OPA3: variants seen among roughly 807,000 people sequenced by gnomAD.
OPA3 encodes the protein outer mitochondrial membrane lipid metabolism regulator OPA3.
In OPA3, 6 loss-of-function variants were observed where a neutral mutation model predicts 4.0. The observed-to-expected ratio is 1.51, with a 90% confidence interval of 0.83 to 2.99. The LOEUF (loss-of-function observed/expected upper bound fraction) is 2.99. Among genes scored for constraint, OPA3 ranks in the 30% most tolerant of loss-of-function variants. The pLI is 0.00. For synonymous variants in OPA3, 105 were observed against 117.1 expected, an observed-to-expected ratio of 0.90 and a Z score of 0.67; for missense variants, 235 against 256.2, an observed-to-expected ratio of 0.92 and a Z score of 0.56.
chr19:45,572,781 C>CTATATATAGATATATATATCATACTA (rs1969704731), intron 1 of OPA3, among the ~76,000 whole-genome samples: 1 of 89,970 alleles, frequency 1.1e-5, no homozygotes, highest in Non-Finnish European at 2.7e-5. Context: ...ATATATCATA[C>CTATATATAGATATATATATCATACTA]TATATATAGA....
rs183295528 is a variant in OPA3, at chr19:45,573,279, C to T, written c.142+11344G>A. Among the ~76,000 whole-genome samples, 222 of 151,986 alleles carry T rather than the reference C, an allele frequency of 1.5e-3. 1 individual carries two copies. The highest frequency in any genetic ancestry group is 4.5e-3 in the African/African-American group (188 of 41,450). On this transcript the variant is annotated intron_variant, in intron 1 of 1. Coordinates refer to ENST00000263275, the MANE Select transcript of OPA3 (RefSeq NM_025136.4). ...ACCCAAATCTCATCTTATATTCACA[C>T]GTCTCACTAAAAATACAAAAAATTA...
chr19:45,582,348 C>T (rs747034417), intron 1 of OPA3, among the ~76,000 whole-genome samples: 1 of 151,902 alleles, frequency 6.6e-6, no homozygotes, highest in East Asian at 1.9e-4. Flanking sequence ...TTAGTAGAGA[C>T]GGGGTTTGAC....
At chr19:45,556,996 C>T (rs867068165) in intron 1 of OPA3, among the ~76,000 whole-genome samples, 32 of 152,340 alleles carry the variant, frequency 2.1e-4, no homozygotes, top group Middle Eastern at 3.4e-3. Context: ...CAATGACACT[C>T]GCCAGACCTG....
chr19:45,555,495 T>C (rs572387566), intron 1 of OPA3, among the ~76,000 whole-genome samples: 7 of 16,594 alleles, frequency 4.2e-4, no homozygotes, highest in African/African-American at 1.8e-3. Flanking sequence ...CTGGCTAATA[T>C]TTTTTTTTTT....
chr19:45,542,665 G>GTTTTTTTTT (rs59474391), downstream of OPA3, among the ~76,000 whole-genome samples: 54 of 103,330 alleles, frequency 5.2e-4, no homozygotes, highest in African/African-American at 7.4e-4. Flanking sequence ...CTGTTTTTTT[G>GTTTTTTTTT]TTTTTTTTTT....
In OPA3 at chr19:45,546,883, G is replaced by A. The variant is rs938392779; in HGVS notation, c.*6631C>T. On this transcript the variant is annotated 3_prime_UTR_variant, in exon 2 of 2. Transcript: ENST00000263275. ...GGGGCTTCACCATGTTGGGCAGGCT[G>A]GTCTCGAACTCCTGACTTCAAGTGA... is the stretch of plus-strand genomic sequence containing the variant. The A allele has an allele frequency of 4.6e-5, 7 of 152,068 alleles. No homozygotes were observed. Among genetic ancestry groups the A allele is most frequent in the African/African-American group, 1.7e-4 (7 of 41,386 alleles). 9.4% of individuals were successfully genotyped at this position (152,068 alleles called of 1,614,324 possible).
chr19:45,536,797 T>A (rs2122386032), intron 1 of OPA3, among the ~76,000 whole-genome samples: 1 of 152,284 alleles, frequency 6.6e-6, no homozygotes, highest in South Asian at 2.1e-4. Context: ...AAGAATGGAC[T>A]TTTTAAGACA....
chr19:45,533,474 G>A (rs545974750), intron 1 of OPA3, among the ~76,000 whole-genome samples: 3 of 152,334 alleles, frequency 2.0e-5, no homozygotes, highest in Non-Finnish European at 2.9e-5. Context: ...GATTACATGC[G>A]TGAGCCACCG....
chr19:45,550,044 G>A lies in OPA3; in HGVS notation c.*3470C>T, dbSNP rs1969308827. On this transcript the variant is annotated 3_prime_UTR_variant, in exon 2 of 2. Transcript: ENST00000263275. The stretch of plus-strand genomic sequence containing the variant: ...TGGGTGGTGGGCACATGTAATCCCA[G>A]CTACTTCGGAAGCTGAGGCAGGATC... 1 of 477,932 alleles carries A rather than the reference G, an allele frequency of 2.1e-6. No individual in the cohort carries two copies. The highest frequency in any genetic ancestry group is 2.1e-5 in the African/African-American group (1 of 47,446). 29.6% of individuals were successfully genotyped at this position (477,932 alleles called of 1,614,324 possible).
chr19:45,578,208 C>G (rs1282641637), intron 1 of OPA3, among the ~76,000 whole-genome samples: 1 of 152,158 alleles, frequency 6.6e-6, no homozygotes, highest in African/African-American at 2.4e-5. Context: ...GACTAGATTG[C>G]CTTTGTAGGA....
chr19:45,534,824 G>C (rs1969099234), intron 1 of OPA3, among the ~76,000 whole-genome samples: 1 of 151,818 alleles, frequency 6.6e-6, no homozygotes, highest in Admixed American at 6.6e-5. Context: ...GTAGAGACGG[G>C]GTTTCACTAT....
chr19:45,530,927 C>CTTTTT (rs71173176), intron 1 of OPA3, among the ~76,000 whole-genome samples: 14 of 35,448 alleles, frequency 3.9e-4, no homozygotes, highest in South Asian at 1.3e-3. Context: ...ATGTCACCTA[C>CTTTTT]TTTTTTTTTT....
intron 1 of OPA3, among the ~76,000 whole-genome samples, chr19:45,578,410 TC>T (rs1969799166): frequency 2.4e-5 from 1 of 41,768 alleles, no homozygotes; most frequent in Non-Finnish European, 5.0e-5. Context: ...GCCCTCCCCC[TC>T]CCCCACCGCC....
chr19:45,557,302 GGCTTTCAGA>G (rs1461377337), intron 1 of OPA3, among the ~76,000 whole-genome samples: 1 of 152,118 alleles, frequency 6.6e-6, no homozygotes, highest in African/African-American at 2.4e-5. Flanking sequence ...GGGCTTTCAG[GGCTTTCAGA>G]GCAGGGGCCG....
In OPA3 at chr19:45,547,988, C is replaced by CT; in HGVS notation, c.*5525_*5526insA. ...CTGAGATTACAGGTGTGAGCCACCA[C>CT]GCCTGGCCACTCTTTCCTTCTTTAT... On this transcript the variant is annotated 3_prime_UTR_variant, in exon 2 of 2. Coordinates refer to ENST00000263275, the MANE Select transcript of OPA3 (RefSeq NM_025136.4). 4.2e-6 allele frequency: 2 copies of CT among 474,050 alleles called. No homozygotes were observed. The highest frequency in any genetic ancestry group is 5.5e-6 in the Non-Finnish European group (2 of 362,818). 29.4% of individuals were successfully genotyped at this position (474,050 alleles called of 1,614,324 possible).
At chr19:45,584,480 T>C in intron 1 of OPA3, 143 bp downstream of exon 1, 1 of 1,462,180 alleles carries the variant, frequency 6.8e-7, no homozygotes, top group African/African-American at 1.4e-5. Context: ...TACGCCCCTC[T>C]ATCAGAAACC....
At chr19:45,534,236 G>T (rs1428947917) in intron 1 of OPA3, among the ~76,000 whole-genome samples, 1 of 152,160 alleles carries the variant, frequency 6.6e-6, no homozygotes, top group Non-Finnish European at 1.5e-5. Flanking sequence ...GAGACAGACT[G>T]TCCATCTCTT....
intron 1 of OPA3, among the ~76,000 whole-genome samples, chr19:45,563,613 T>G (rs1969537853): frequency 6.6e-6 from 1 of 151,982 alleles, no homozygotes; most frequent in Non-Finnish European, 1.5e-5. Flanking sequence ...TGAAGTACAG[T>G]AGCAGGATCA....
chr19:45,578,513 C>A (rs1344778532), intron 1 of OPA3, among the ~76,000 whole-genome samples: 1 of 151,568 alleles, frequency 6.6e-6, no homozygotes, highest in Non-Finnish European at 1.5e-5. Context: ...CTTCCCCTCA[C>A]CCACCAAGTT....
Sources: allele counts gnomAD v4.1 joint callset (sites outside exome capture counted in the v4.1 genomes callset), GRCh38; gene constraint gnomAD v4.1.1; transcripts MANE v1.5; gene names NCBI Gene and HGNC (gene_info 2026-07-23, HGNC 2026-07-21).